Variants in QTMAN observed in about 807,000 individuals in gnomAD.
The protein encoded by QTMAN is queuosine-tRNA mannosyltransferase, also known as tRNA-queuosine alpha-mannosyltransferase.
the QTMAN span, among the ~76,000 whole-genome samples, chr2:144,182,358 T>C: frequency 1.3e-5 from 2 of 152,128 alleles, no homozygotes; most frequent in Non-Finnish European, 2.9e-5. Flanking sequence ...ACCTTAGAAG[T>C]GGACGGGCAT....
At chr2:143,960,122 T>A in the QTMAN span, among the ~76,000 whole-genome samples, 1 of 152,084 alleles carries the variant, frequency 6.6e-6, no homozygotes, top group East Asian at 1.9e-4. Flanking sequence ...TGGTCAAAAG[T>A]TTGAAAACAC....
the QTMAN span, among the ~76,000 whole-genome samples, chr2:144,187,166 G>A: frequency 6.6e-6 from 1 of 152,084 alleles, no homozygotes; most frequent in African/African-American, 2.4e-5. Flanking sequence ...TCTGTTTTTT[G>A]TTGCTGTAAC....
chr2:144,094,486 C>T, the QTMAN span, among the ~76,000 whole-genome samples: 2 of 152,094 alleles, frequency 1.3e-5, no homozygotes, highest in African/African-American at 2.4e-5. Context: ...TTCCACTTAA[C>T]CGGGGAGGCC....
At chr2:144,193,356 C>A in the QTMAN span, among the ~76,000 whole-genome samples, 1 of 150,018 alleles carries the variant, frequency 6.7e-6, no homozygotes, top group South Asian at 2.1e-4. Flanking sequence ...CATAAAATGA[C>A]ATAAAATGAC....
At chr2:144,037,488 T>G in the QTMAN span, among the ~76,000 whole-genome samples, 4 of 152,142 alleles carry the variant, frequency 2.6e-5, no homozygotes, top group Non-Finnish European at 4.4e-5. Flanking sequence ...CAGAGGGACC[T>G]AGTTGTGGCA....
chr2:144,280,610 T>C, the QTMAN span, among the ~76,000 whole-genome samples: 1 of 152,086 alleles, frequency 6.6e-6, no homozygotes, highest in South Asian at 2.1e-4. Flanking sequence ...TCAGAACTTA[T>C]ACAGAAAAGA....
the QTMAN span, among the ~76,000 whole-genome samples, chr2:144,313,406 A>G: frequency 6.6e-6 from 1 of 152,206 alleles, no homozygotes; most frequent in Non-Finnish European, 1.5e-5. Context: ...AAAAGTGTAT[A>G]ATTCCCCTAC....
the QTMAN span, among the ~76,000 whole-genome samples, chr2:144,096,451 T>C: frequency 6.6e-6 from 1 of 152,222 alleles, no homozygotes; most frequent in East Asian, 1.9e-4. Context: ...GAAGACACTG[T>C]AGAACAATTG....
the QTMAN span, among the ~76,000 whole-genome samples, chr2:144,266,387 T>A: frequency 1.3e-5 from 2 of 152,178 alleles, no homozygotes; most frequent in East Asian, 3.9e-4. Flanking sequence ...CACAGCCCCA[T>A]CACACTTAAT....
chr2:144,118,031 A>G, the QTMAN span, among the ~76,000 whole-genome samples: 1 of 152,004 alleles, frequency 6.6e-6, no homozygotes, highest in South Asian at 2.1e-4. Flanking sequence ...TATTTTTAGT[A>G]GAGAGGGGGT....
At chr2:144,063,671 TAAAAC>T in the QTMAN span, among the ~76,000 whole-genome samples, 1 of 152,222 alleles carries the variant, frequency 6.6e-6, no homozygotes, top group East Asian at 1.9e-4. Context: ...AGTAACAAAA[TAAAAC>T]AAAGAAAAAT....
chr2:144,304,047 T>C, the QTMAN span, among the ~76,000 whole-genome samples: 1 of 152,206 alleles, frequency 6.6e-6, no homozygotes, highest in African/African-American at 2.4e-5. Flanking sequence ...TGTACTCTTC[T>C]GAGGAATATT....
the QTMAN span, among the ~76,000 whole-genome samples, chr2:144,120,991 G>C: frequency 6.6e-6 from 1 of 152,096 alleles, no homozygotes; most frequent in Non-Finnish European, 1.5e-5. Context: ...TATAACCATT[G>C]AAGACCATAT....
the QTMAN span, among the ~76,000 whole-genome samples, chr2:144,044,376 C>T: frequency 6.6e-6 from 1 of 151,822 alleles, no homozygotes; most frequent in African/African-American, 2.4e-5. Flanking sequence ...GTTGGCTCAG[C>T]CGTCCATCTC....
chr2:143,977,327 A>C, the QTMAN span, among the ~76,000 whole-genome samples: 1 of 152,128 alleles, frequency 6.6e-6, no homozygotes, highest in Non-Finnish European at 1.5e-5. Context: ...AAGTAGGCAA[A>C]ATGCTATGAG....
chr2:144,091,798 C>A, the QTMAN span, among the ~76,000 whole-genome samples: 1 of 152,018 alleles, frequency 6.6e-6, no homozygotes, highest in Non-Finnish European at 1.5e-5. Flanking sequence ...CTCATCAACA[C>A]GTGGATAAAC....
chr2:144,212,476 GAAC>G, the QTMAN span, among the ~76,000 whole-genome samples: 3 of 151,840 alleles, frequency 2.0e-5, no homozygotes, highest in African/African-American at 7.3e-5. Context: ...ACAACAACAA[GAAC>G]AACAAAAACA....
At chr2:144,208,821 A>G in the QTMAN span, 2 of 1,460,188 alleles carry the variant, frequency 1.4e-6, no homozygotes, top group Non-Finnish European at 1.8e-6. Context: ...AACAACCAAA[A>G]AATGTATATT....
At chr2:143,973,965 C>T in the QTMAN span, among the ~76,000 whole-genome samples, 1,345 of 152,208 alleles carry the variant, frequency 8.8e-3, 15 homozygotes, top group African/African-American at 0.03. Flanking sequence ...ATAGATTTTA[C>T]CCCAGAGCCT....
Sources: gnomAD v4.1 joint callset for allele counts (sites outside exome capture counted in the v4.1 genomes callset) on GRCh38, gnomAD v4.1.1 for gene constraint, MANE v1.5 for transcripts, NCBI Gene and HGNC (gene_info 2026-07-23, HGNC 2026-07-21) for gene names.